TSEN15: variants seen among roughly 807,000 people sequenced by gnomAD.
The protein encoded by TSEN15 is tRNA-splicing endonuclease subunit Sen15.
In TSEN15, 10 loss-of-function variants were observed where a neutral mutation model predicts 20.5. The ratio of observed to expected loss-of-function variants is 0.49; its 90% CI spans 0.30 to 0.83. The LOEUF (loss-of-function observed/expected upper bound fraction) is 0.83. TSEN15 is among the 40% of genes least tolerant of loss of function. The pLI, the probability that TSEN15 is intolerant of heterozygous loss-of-function variation, is 0.06. For missense variants in TSEN15, 180 were observed against 218.6 expected, an observed-to-expected ratio of 0.82 and a Z score of 1.11; for synonymous variants, 72 against 80.1, an observed-to-expected ratio of 0.90 and a Z score of 0.54.
At chr1:184,090,646 G>A (rs554498527) in intron 3 of TSEN15, among the ~76,000 whole-genome samples, 79 of 152,300 alleles carry the variant, frequency 5.2e-4, no homozygotes, top group African/African-American at 1.8e-3. Context: ...TGCTTAGGAT[G>A]TGCCCAGCCA....
chr1:184,092,192 G>A (rs1315984244), intron 3 of TSEN15, among the ~76,000 whole-genome samples: 1 of 152,192 alleles, frequency 6.6e-6, no homozygotes, highest in Admixed American at 6.5e-5. Flanking sequence ...GTTTGCATGA[G>A]TGCAGAAATT....
chr1:184,062,063 TC>T (rs1240046354), intron 3 of TSEN15, among the ~76,000 whole-genome samples: 1 of 152,176 alleles, frequency 6.6e-6, no homozygotes, highest in Non-Finnish European at 1.5e-5. Flanking sequence ...TATTTCCTGA[TC>T]TGTAATGGGG....
At chr1:184,056,916 C>T (rs772850400) in intron 3 of TSEN15, among the ~76,000 whole-genome samples, 4 of 152,074 alleles carry the variant, frequency 2.6e-5, no homozygotes, top group Non-Finnish European at 4.4e-5. Flanking sequence ...GTTAGCAAGC[C>T]TCCCTTATGC....
In TSEN15 at chr1:184,071,496, T is replaced by C. The variant is rs145516029; in HGVS notation, c.354-661T>C. The stretch of plus-strand genomic sequence containing the variant: ...ATATATGACAATAATAGCATAAAGG[T>C]GGAGGAAAGGAATAAAGCTCTATTG... On this transcript the variant is annotated intron_variant, in intron 3 of 4. Coordinates refer to ENST00000645668, the MANE Select transcript of TSEN15 (RefSeq NM_052965.4). Among the ~76,000 whole-genome samples the C allele has an allele frequency of 3.1e-3, 465 of 151,892 alleles. 2 individuals carry two copies. Among genetic ancestry groups the C allele is most frequent in the African/African-American group, 7.3e-3 (303 of 41,466 alleles).
At chr1:184,092,461 AT>A (rs1468337597) in intron 3 of TSEN15, among the ~76,000 whole-genome samples, 1 of 152,248 alleles carries the variant, frequency 6.6e-6, no homozygotes, top group East Asian at 1.9e-4. Flanking sequence ...ACAGTTAATG[AT>A]TGAAACATAC....
At chr1:184,060,554 T>C (rs1396747460) in intron 3 of TSEN15, among the ~76,000 whole-genome samples, 1 of 152,270 alleles carries the variant, frequency 6.6e-6, no homozygotes, top group Non-Finnish European at 1.5e-5. Flanking sequence ...TATGTGGTTT[T>C]AAGAATACTT....
chr1:184,059,415 G>A, intron 3 of TSEN15, among the ~76,000 whole-genome samples: 1 of 152,030 alleles, frequency 6.6e-6, no homozygotes, highest in East Asian at 1.9e-4. Flanking sequence ...GGAAAGGATG[G>A]AAAATTAGAT....
chr1:184,077,035 A>G (rs1651072914), downstream of TSEN15, among the ~76,000 whole-genome samples: 1 of 152,180 alleles, frequency 6.6e-6, no homozygotes, highest in Non-Finnish European at 1.5e-5. Flanking sequence ...AGGTGGCTAT[A>G]TTAAATAACA....
At chr1:184,054,273 G>T in intron 1 of TSEN15, 81 bp from the exon 2 acceptor site, 1 of 860,478 alleles carries the variant, frequency 1.2e-6, no homozygotes, top group Non-Finnish European at 1.8e-6. Context: ...GATTATATAT[G>T]CTTGATGACC....
At chr1:184,091,266 CT>C (rs1557891809) in intron 3 of TSEN15, among the ~76,000 whole-genome samples, 1 of 152,094 alleles carries the variant, frequency 6.6e-6, no homozygotes, top group Non-Finnish European at 1.5e-5. Flanking sequence ...CTGCTGCTTA[CT>C]GAGTGGGTGA....
chr1:184,082,673 A>C (rs1322983982), intron 3 of TSEN15, among the ~76,000 whole-genome samples: 1 of 151,962 alleles, frequency 6.6e-6, no homozygotes, highest in Non-Finnish European at 1.5e-5. Flanking sequence ...TAACTCTTCC[A>C]CTTTTGCTAC....
intron 3 of TSEN15, among the ~76,000 whole-genome samples, chr1:184,084,104 G>T (rs533683677): frequency 2.0e-5 from 3 of 152,250 alleles, no homozygotes; most frequent in African/African-American, 7.2e-5. Context: ...TTTCTCATCT[G>T]TAAAATGAAG....
At chr1:184,088,271 G>C (rs1245030441) in intron 3 of TSEN15, among the ~76,000 whole-genome samples, 15 of 152,196 alleles carry the variant, frequency 9.9e-5, no homozygotes, top group African/African-American at 3.6e-4. Context: ...GTGAAGGCCA[G>C]AGCTCACTGA....
intron 3 of TSEN15, among the ~76,000 whole-genome samples, chr1:184,081,040 A>T (rs1651156754): frequency 6.6e-6 from 1 of 152,224 alleles, no homozygotes; most frequent in South Asian, 2.1e-4. Context: ...GGTCAAATTA[A>T]TCAGCTTAAC....
intron 3 of TSEN15, among the ~76,000 whole-genome samples, chr1:184,056,572 A>G (rs932872492): frequency 3.3e-5 from 5 of 152,110 alleles, no homozygotes; most frequent in Admixed American, 2.6e-4. Flanking sequence ...TTTATAATCA[A>G]CGTCTTTGTG....
intron 3 of TSEN15, among the ~76,000 whole-genome samples, chr1:184,089,106 A>G (rs1226949662): frequency 6.6e-6 from 1 of 152,228 alleles, no homozygotes; most frequent in East Asian, 1.9e-4. Flanking sequence ...TGTGTGTGAA[A>G]TTTTTTGGTG....
intron 3 of TSEN15, among the ~76,000 whole-genome samples, chr1:184,090,779 GT>G (rs1297864428): frequency 1.3e-5 from 2 of 152,196 alleles, no homozygotes; most frequent in Non-Finnish European, 2.9e-5. Context: ...GAGAAAAGGT[GT>G]TCCATCTCTG....
chr1:184,060,322 A>G (rs939369655), intron 3 of TSEN15, among the ~76,000 whole-genome samples: 2 of 152,244 alleles, frequency 1.3e-5, no homozygotes, highest in Non-Finnish European at 2.9e-5. Context: ...ATGTCTCTTC[A>G]CTAAGGTTCA....
chr1:184,053,539 A>T (rs1307974686), intron 1 of TSEN15, among the ~76,000 whole-genome samples: 2 of 152,186 alleles, frequency 1.3e-5, no homozygotes, highest in Non-Finnish European at 2.9e-5. Context: ...AGTGAAGCTG[A>T]TGGGAGAATG....
Sources: allele counts gnomAD v4.1 joint callset (sites outside exome capture counted in the v4.1 genomes callset), GRCh38; gene constraint gnomAD v4.1.1; transcripts MANE v1.5; gene names NCBI Gene and HGNC (gene_info 2026-07-23, HGNC 2026-07-21).